Variants in PLCB1 observed in about 807,000 individuals in gnomAD.
The protein encoded by PLCB1 is phospholipase C beta 1.
Under a neutral mutation model 161.8 loss-of-function variants are expected in PLCB1, and 46 were observed. The observed-to-expected ratio is 0.28, with a 90% CI of 0.22 to 0.36. The LOEUF is 0.36. Ranked by LOEUF, PLCB1 falls within the 10% of genes least tolerant of loss-of-function variation. PLCB1 has a pLI of 1.00. For synonymous variants in PLCB1, 517 were observed against 503.7 expected (o/e 1.03, Z -0.35); for missense variants, 1,016 against 1,472.5 (o/e 0.69, Z 5.07).
rs537575421 is a variant in PLCB1, at chr20:8,588,531, A to T, written c.247-39763A>T. Among the ~76,000 whole-genome samples, 6 of 152,256 alleles carry T rather than the reference A, an allele frequency of 3.9e-5. No individual in the cohort carries two copies. In the East Asian group the frequency reaches 1.2e-3, roughly 29 times the overall value. Reference sequence around the variant, plus strand: ...TGTTAAATGAGGTCATAAGGGCAGGACCCTAATCCAATGAGACTGGTGTCC... The same window carrying T: ...TGTTAAATGAGGTCATAAGGGCAGGTCCCTAATCCAATGAGACTGGTGTCC... On this transcript the variant is annotated intron_variant, in intron 3 of 31. Coordinates refer to ENST00000338037, the MANE Select transcript of PLCB1 (RefSeq NM_015192.4).
At chr20:8,144,593 A>G (rs774071562) in intron 1 of PLCB1, among the ~76,000 whole-genome samples, 9 of 152,214 alleles carry the variant, frequency 5.9e-5, no homozygotes, top group African/African-American at 1.2e-4. Flanking sequence ...TTTTACTCCA[A>G]TGATCTTAAT....
chr20:8,795,890 A>AGAAAAGAAAAG (rs558049898), intron 31 of PLCB1, among the ~76,000 whole-genome samples: 3 of 139,798 alleles, frequency 2.1e-5, no homozygotes, highest in African/African-American at 8.2e-5. Context: ...AAAAAAAAAA[A>AGAAAAGAAAAG]AAAAGAAAAG....
At chr20:8,300,785 A>C (rs768752562) in intron 2 of PLCB1, among the ~76,000 whole-genome samples, 1 of 152,158 alleles carries the variant, frequency 6.6e-6, no homozygotes. Flanking sequence ...TACATTGTTA[A>C]GTGTTCAGTA....
chr20:8,740,269 T>G, intron 21 of PLCB1, 75 bp from the exon 22 acceptor site: 1 of 760,328 alleles, frequency 1.3e-6, no homozygotes, highest in Non-Finnish European at 2.2e-6. Flanking sequence ...CATGCTTTCA[T>G]CACATAGATG....
chr20:8,478,513 A>G (rs1982373947), intron 3 of PLCB1, among the ~76,000 whole-genome samples: 1 of 152,168 alleles, frequency 6.6e-6, no homozygotes, highest in Non-Finnish European at 1.5e-5. Context: ...ATACATATAT[A>G]AATAACACAC....
chr20:8,479,619 T>C (rs1050331916), intron 3 of PLCB1, among the ~76,000 whole-genome samples: 1 of 152,158 alleles, frequency 6.6e-6, no homozygotes, highest in Admixed American at 6.5e-5. Context: ...TGATAGATGG[T>C]GTTATTTATT....
intron 3 of PLCB1, among the ~76,000 whole-genome samples, chr20:8,437,995 T>C (rs1011596770): frequency 6.6e-6 from 1 of 152,230 alleles, no homozygotes; most frequent in African/African-American, 2.4e-5. Flanking sequence ...AAAAAAAGTC[T>C]ATTTTATGAA....
At chr20:8,238,634 G>A (rs1980443650) in intron 2 of PLCB1, among the ~76,000 whole-genome samples, 1 of 151,788 alleles carries the variant, frequency 6.6e-6, no homozygotes. Flanking sequence ...ATTAACATAT[G>A]CAGGATGAAA....
At chr20:8,811,019 G>A (rs1040025712) in intron 31 of PLCB1, among the ~76,000 whole-genome samples, 3 of 151,908 alleles carry the variant, frequency 2.0e-5, no homozygotes, top group African/African-American at 7.3e-5. Context: ...AAGCAAGTGA[G>A]AAACAAAAAA....
intron 9 of PLCB1, among the ~76,000 whole-genome samples, chr20:8,678,201 ATTGT>A (rs777804950): frequency 1.3e-5 from 2 of 152,206 alleles, no homozygotes; most frequent in Non-Finnish European, 2.9e-5. Context: ...GATAAAAATA[ATTGT>A]TAGGTTACTG....
chr20:8,767,948 C>T (rs1280858432), intron 26 of PLCB1, among the ~76,000 whole-genome samples: 1 of 152,106 alleles, frequency 6.6e-6, no homozygotes, highest in Non-Finnish European at 1.5e-5. Context: ...CTTTGGGAGG[C>T]TAAGGTGGGA....
chr20:8,399,083 C>T (rs708920), intron 3 of PLCB1, among the ~76,000 whole-genome samples: 75,729 of 145,092 alleles, frequency 0.52, 20,309 homozygotes, highest in African/African-American at 0.7. Context: ...CCTATAGCTT[C>T]TTTTTTTTTT....
At chr20:8,372,798 T>C (rs984912312) in intron 3 of PLCB1, among the ~76,000 whole-genome samples, 1 of 152,200 alleles carries the variant, frequency 6.6e-6, no homozygotes, top group Admixed American at 6.5e-5. Context: ...ATATTGATAA[T>C]GCAGCTATGA....
In PLCB1 at chr20:8,418,637, A is replaced by G. The variant is rs1026839955; in HGVS notation, c.246+47187A>G. 4.6e-5 allele frequency among the ~76,000 whole-genome samples: 7 copies of G among 152,092 alleles called. No individual in the cohort carries two copies. The East Asian group carries it at 7.7e-4, about 17-fold the overall frequency. ...TTTATGTATTTTTTCAGAGATGATC[A>G]TTTGGGTTTTGAAAAATTATATTGT... On this transcript the variant is annotated intron_variant, in intron 3 of 31. Coordinates refer to ENST00000338037, the MANE Select transcript of PLCB1 (RefSeq NM_015192.4).
chr20:8,180,015 C>T (rs1168381674), intron 2 of PLCB1, among the ~76,000 whole-genome samples: 1 of 151,388 alleles, frequency 6.6e-6, no homozygotes, highest in Non-Finnish European at 1.5e-5. Flanking sequence ...CCCGCCACTA[C>T]GCCCGGCTAA....
chr20:8,833,306 C>T (rs1459922120), intron 31 of PLCB1, among the ~76,000 whole-genome samples: 1 of 152,182 alleles, frequency 6.6e-6, no homozygotes, highest in Non-Finnish European at 1.5e-5. Context: ...GGCAAAAGAG[C>T]ATGTGCAGGG....
intron 2 of PLCB1, among the ~76,000 whole-genome samples, chr20:8,326,148 T>G (rs568627345): frequency 6.6e-6 from 1 of 152,312 alleles, no homozygotes; most frequent in East Asian, 1.9e-4. Flanking sequence ...TCTGCAAATG[T>G]GTTTATGTGA....
intron 11 of PLCB1, among the ~76,000 whole-genome samples, chr20:8,700,678 T>A (rs1305054794): frequency 6.6e-6 from 1 of 152,166 alleles, no homozygotes; most frequent in Admixed American, 6.5e-5. Context: ...AGTGAATTCA[T>A]CATCCCAGTT....
At chr20:8,857,470 G>A (rs1048458042) in intron 31 of PLCB1, among the ~76,000 whole-genome samples, 2 of 152,106 alleles carry the variant, frequency 1.3e-5, no homozygotes, top group Non-Finnish European at 2.9e-5. Flanking sequence ...TTTGCATTTA[G>A]TGATGTCCAG....
Sources: allele counts gnomAD v4.1 joint callset (sites outside exome capture counted in the v4.1 genomes callset), GRCh38; gene constraint gnomAD v4.1.1; transcripts MANE v1.5; gene names NCBI Gene and HGNC (gene_info 2026-07-23, HGNC 2026-07-21).